Variants in CTCF observed in about 807,000 individuals in gnomAD.
The protein encoded by CTCF is transcriptional repressor CTCF.
A neutral mutation model predicts 72.3 loss-of-function variants in CTCF; 7 were observed. That is an observed-to-expected ratio of 0.10 (90% CI 0.06 to 0.18). CTCF has a LOEUF of 0.18. Ranked by LOEUF, CTCF falls within the 10% of genes least tolerant of loss-of-function variation. CTCF has a pLI of 1.00. For missense variants in CTCF, 516 were observed against 949.1 expected, an observed-to-expected ratio of 0.54 and a Z score of 6.00; for synonymous variants, 374 against 315.8, an observed-to-expected ratio of 1.18 and a Z score of -1.95.
intron 7 of CTCF, chr16:67,623,348 T>C (rs2052231077): frequency 6.6e-6 from 1 of 151,482 alleles, no homozygotes; most frequent in African/African-American, 2.4e-5. Flanking sequence ...ACTTAAAAAA[T>C]AAAGACAAAG....
At chr16:67,568,343 G>T (rs1370109044) in intron 1 of CTCF, 5 of 150,976 alleles carry the variant, frequency 3.3e-5, no homozygotes, top group Non-Finnish European at 5.9e-5. Flanking sequence ...ACCTCCCAAA[G>T]TGCTGGGACT....
intron 2 of CTCF, among the ~76,000 whole-genome samples, chr16:67,601,311 G>T (rs1490532935): frequency 7.3e-6 from 1 of 137,300 alleles, no homozygotes; most frequent in East Asian, 2.0e-4. Flanking sequence ...GTGTGTGTGT[G>T]TGTGTGTGTG....
intron 2 of CTCF, among the ~76,000 whole-genome samples, chr16:67,605,348 A>C (rs2051960236): frequency 1.3e-5 from 2 of 152,160 alleles, no homozygotes; most frequent in African/African-American, 4.8e-5. Context: ...AGCATTCTAC[A>C]AATGTTCTTT....
rs2052465976 is a variant in CTCF, at chr16:67,638,686, T to G, written c.*814T>G. 1 of 229,570 alleles carries G rather than the reference T, an allele frequency of 4.4e-6. No individual in the cohort carries two copies. The highest frequency in any genetic ancestry group is 5.7e-5 in the Admixed American group (1 of 17,630). The allele number at this position is 229,570 out of a possible 1,614,324, so 14.2% of individuals were successfully genotyped here. ...CATTTGAACCTTGTATAATTAACTT[T>G]CAGTTATGATTTCCCATCGACATTT... is the stretch of plus-strand genomic sequence containing the variant. On this transcript the variant is annotated 3_prime_UTR_variant, in exon 12 of 12. Coordinates refer to ENST00000264010, the MANE Select transcript of CTCF (RefSeq NM_006565.4).
chr16:67,570,031 C>T lies in CTCF; in HGVS notation c.-126-1117C>T, dbSNP rs560838592. ...GTAAGACCACTACTTGCTAAAGATA[C>T]GGAAATAAACTGTTAGAGAGCCATT... On this transcript the variant is annotated intron_variant, in intron 1 of 11. Coordinates refer to ENST00000264010, the MANE Select transcript of CTCF (RefSeq NM_006565.4). Among the ~76,000 whole-genome samples, 32 of 151,298 alleles carry T rather than the reference C, an allele frequency of 2.1e-4. No homozygotes were observed. In the South Asian group the frequency reaches 4.0e-3, roughly 19 times the overall value.
At chr16:67,628,348 C>T (rs769772774) in intron 8 of CTCF, 22 bp from the exon 9 acceptor site, 4 of 1,607,618 alleles carry the variant, frequency 2.5e-6, no homozygotes, top group East Asian at 2.2e-5. Context: ...GCTCTGAGGC[C>T]TTTCCCCCTA....
At position 67,609,859 on chromosome 16, in the gene CTCF, CCG is replaced by C. The variant is rs567432614; in HGVS notation, c.-9-964_-9-963del. ...CAGGATGGTCTCGATCTCCTGACCT[CCG>C]GTAATCTGCCCGCCTCAGCCTCCCA... is the stretch of plus-strand genomic sequence containing the variant. On this transcript the variant is annotated intron_variant, in intron 2 of 11. Transcript: ENST00000264010. Among the ~76,000 whole-genome samples the C allele has an allele frequency of 1.6e-4, 24 of 152,236 alleles. No homozygotes were observed. The South Asian group carries it at 5.0e-3, about 32-fold the overall frequency.
At chr16:67,611,759 T>A in intron 3 of CTCF, 146 bp downstream of exon 3, 1 of 1,018,776 alleles carries the variant, frequency 9.8e-7, no homozygotes. Flanking sequence ...CTAAAATAAG[T>A]TTTTTCCAGA....
intron 2 of CTCF, among the ~76,000 whole-genome samples, chr16:67,583,532 C>A (rs2142747725): frequency 6.6e-6 from 1 of 151,956 alleles, no homozygotes; most frequent in Middle Eastern, 3.4e-3. Flanking sequence ...ACTGAAAATA[C>A]AAAACTTAGC....
intron 2 of CTCF, among the ~76,000 whole-genome samples, chr16:67,580,597 T>C (rs1355325085): frequency 6.6e-6 from 1 of 151,872 alleles, no homozygotes; most frequent in Non-Finnish European, 1.5e-5. Context: ...GTCTCGCTCT[T>C]GTCCACCAGG....
At position 67,617,477 on chromosome 16, in the gene CTCF, C is replaced by T. The variant is rs1406089234; in HGVS notation, c.1086+599C>T. ...TCACGCCACTGCACTCCAGCCTGGG[C>T]GACAGAGCGAGACTCCCTCCATCTC... On this transcript the variant is annotated intron_variant, in intron 5 of 11. Coordinates refer to ENST00000264010, the MANE Select transcript of CTCF (RefSeq NM_006565.4). Among the ~76,000 whole-genome samples the T allele has an allele frequency of 2.6e-5, 4 of 151,854 alleles. No individual in the cohort carries two copies. The East Asian group carries it at 5.8e-4, about 22-fold the overall frequency.
intron 5 of CTCF, among the ~76,000 whole-genome samples, chr16:67,619,623 C>T (rs549854286): frequency 6.6e-6 from 1 of 152,182 alleles, no homozygotes; most frequent in South Asian, 2.1e-4. Flanking sequence ...CTCTGTCGCC[C>T]AGGCTGGACT....
chr16:67,625,311 C>CT (rs1275303583), intron 7 of CTCF, among the ~76,000 whole-genome samples: 1 of 151,780 alleles, frequency 6.6e-6, no homozygotes, highest in Non-Finnish European at 1.5e-5. Flanking sequence ...TTGCCTCAGC[C>CT]TCCCGAGTAG....
chr16:67,596,291 A>G (rs2051813710), intron 2 of CTCF, among the ~76,000 whole-genome samples: 1 of 152,178 alleles, frequency 6.6e-6, no homozygotes, highest in African/African-American at 2.4e-5. Flanking sequence ...AGTTTAACAG[A>G]GGCAAATGCT....
At chr16:67,586,409 C>T (rs1242051582) in intron 2 of CTCF, among the ~76,000 whole-genome samples, 5 of 152,062 alleles carry the variant, frequency 3.3e-5, no homozygotes, top group East Asian at 3.9e-4. Flanking sequence ...TGGTGGCAGG[C>T]GCCTGTAATC....
At chr16:67,627,225 TC>T (rs1325534740) in intron 8 of CTCF, 1 of 152,036 alleles carries the variant, frequency 6.6e-6, no homozygotes, top group Non-Finnish European at 1.5e-5. Flanking sequence ...GCGCGGTGGC[TC>T]GAGCGCCTGT....
chr16:67,562,900 C>T (rs1227714304), intron 1 of CTCF, among the ~76,000 whole-genome samples, 176 bp downstream of exon 1: 2 of 141,796 alleles, frequency 1.4e-5, no homozygotes, highest in East Asian at 2.1e-4. Context: ...CCGCCGTGGC[C>T]CGGCCGCCCC....
Position 67,638,622 on chromosome 16 carries a change from T to C in CTCF, c.*750T>C, listed in dbSNP as rs1260216917. The C allele has an allele frequency of 2.6e-5, 6 of 231,894 alleles. No homozygotes were observed. Among genetic ancestry groups the C allele is most frequent in the Non-Finnish European group, 4.3e-5 (5 of 116,984 alleles). The allele number at this position is 231,894 out of a possible 1,614,324, so 14.4% of individuals were successfully genotyped here. On this transcript the variant is annotated 3_prime_UTR_variant, in exon 12 of 12. Transcript: ENST00000264010. ...GACCACTGCCCACCAGTGACGGACA[T>C]GCACGTGGCAGATCATGATTTCCAG...
intron 2 of CTCF, among the ~76,000 whole-genome samples, chr16:67,603,092 G>A (rs1167945315): frequency 6.6e-6 from 1 of 151,950 alleles, no homozygotes; most frequent in East Asian, 1.9e-4. Context: ...ATTAAGGTAT[G>A]CTGTAAATGT....
Sources: gnomAD v4.1 joint callset for allele counts (sites outside exome capture counted in the v4.1 genomes callset) on GRCh38, gnomAD v4.1.1 for gene constraint, MANE v1.5 for transcripts, NCBI Gene and HGNC (gene_info 2026-07-23, HGNC 2026-07-21) for gene names.